SLC35F5: variants seen among roughly 807,000 people sequenced by gnomAD.
SLC35F5 encodes HCV NS5A-transactivated protein 3.
In SLC35F5, 54 loss-of-function variants were observed where a neutral mutation model predicts 68.6. The observed-to-expected ratio is 0.79, with a 90% CI of 0.63 to 0.99. The LOEUF (loss-of-function observed/expected upper bound fraction) is 0.99. SLC35F5 is among the 50% of genes least tolerant of loss of function. The probability of loss-of-function intolerance (pLI) is 0.00; values close to 1 mark genes in which losing one functional copy is unlikely to be tolerated. For missense variants in SLC35F5, 567 were observed against 626.9 expected, an observed-to-expected ratio of 0.90 and a Z score of 1.02; for synonymous variants, 211 against 205.2, an observed-to-expected ratio of 1.03 and a Z score of -0.24.
Position 113,756,461 on chromosome 2 carries a change from G to T in SLC35F5, c.-52C>A, listed in dbSNP as rs1311283386. The T allele has an allele frequency of 6.5e-7, 1 of 1,535,582 alleles. No homozygotes were observed. The highest frequency in any genetic ancestry group is 1.4e-5 in the African/African-American group (1 of 72,824). ...GCCCAGCGCCACGGCCGCGGCCTCG[G>T]ACTCACAGAGCTGTCACCGCGCCTG... On this transcript the variant is annotated 5_prime_UTR_variant, in exon 1 of 16. Coordinates refer to ENST00000245680, the MANE Select transcript of SLC35F5 (RefSeq NM_025181.5).
At chr2:113,703,492 A>C (rs932343863), downstream of SLC35F5, among the ~76,000 whole-genome samples, 53 of 152,148 alleles carry the variant, frequency 3.5e-4, 1 homozygote, top group Non-Finnish European at 1.5e-4. Context: ...TACAAACCTC[A>C]CAGCAAATAG....
chr2:113,755,909 A>G, intron 1 of SLC35F5: 1 of 1,550,610 alleles, frequency 6.4e-7, no homozygotes, highest in African/African-American at 1.4e-5. Flanking sequence ...CTGTTTCTAA[A>G]AGTGTCTTTT....
At chr2:113,702,841 G>A (rs1015459172), downstream of SLC35F5, among the ~76,000 whole-genome samples, 1 of 152,120 alleles carries the variant, frequency 6.6e-6, no homozygotes, top group Non-Finnish European at 1.5e-5. Context: ...AGGCACGGTG[G>A]CTCACATCTG....
intron 7 of SLC35F5, among the ~76,000 whole-genome samples, chr2:113,737,407 G>A (rs1688133387): frequency 6.6e-6 from 1 of 152,150 alleles, no homozygotes; most frequent in African/African-American, 2.4e-5. Context: ...TGCCTATCTA[G>A]ATAAAATGAG....
intron 3 of SLC35F5, among the ~76,000 whole-genome samples, chr2:113,753,612 C>T (rs915355557): frequency 3.3e-4 from 50 of 152,008 alleles, no homozygotes; most frequent in Non-Finnish European, 5.3e-4. Context: ...TGAGTTTTTT[C>T]CTCCAGTTTC....
At position 113,709,536 on chromosome 2, in the gene SLC35F5, G is replaced by A. The variant is rs1327747888; in HGVS notation, c.*5682C>T. Among the ~76,000 whole-genome samples, 1 of 152,156 alleles carries A rather than the reference G, an allele frequency of 6.6e-6. No homozygotes were observed. Among genetic ancestry groups the A allele is most frequent in the Non-Finnish European group, 1.5e-5 (1 of 68,030 alleles). On this transcript the variant is annotated 3_prime_UTR_variant, in exon 16 of 16. Coordinates refer to ENST00000245680, the MANE Select transcript of SLC35F5 (RefSeq NM_025181.5). ...AGAGTTTCTCATTCTCACAGTCTCA[G>A]GCAGGTTGCATTAACCTCCACTTCA...
downstream of SLC35F5, chr2:113,703,623 T>C (rs1182515818): frequency 6.6e-6 from 1 of 152,198 alleles, no homozygotes; most frequent in East Asian, 1.9e-4. Context: ...GGTTTGGGAA[T>C]CTAATTTAAT....
intron 13 of SLC35F5, 133 bp downstream of exon 13, chr2:113,722,971 A>G (rs17683255): frequency 0.063 from 32,255 of 512,134 alleles, 1,166 homozygotes; most frequent in South Asian, 0.13. Flanking sequence ...CTATGTAGTA[A>G]AGCACCTTGG....
At chr2:113,755,996 C>T in intron 1 of SLC35F5, 3 of 1,535,338 alleles carry the variant, frequency 2.0e-6, no homozygotes, top group Middle Eastern at 1.7e-4. Context: ...GGCACCTTTC[C>T]AATCTCTTCA....
intron 13 of SLC35F5, among the ~76,000 whole-genome samples, chr2:113,721,824 ATAAT>A (rs10615889): frequency 0.47 from 71,564 of 151,588 alleles, 17,600 homozygotes; most frequent in Middle Eastern, 0.66. Context: ...GTTATGTAAG[ATAAT>A]TAATTCTCAA....
rs187615263 is a variant in SLC35F5 at position 113,718,546 on chromosome 2, A to T, written c.1496+608T>A. Reference sequence around the variant, plus strand: ...ATTACCTGTGAATCATATTTTTTTTAAAAAAATGTAGTTACTAGGCAGGCA... The same window carrying T: ...ATTACCTGTGAATCATATTTTTTTTTAAAAAATGTAGTTACTAGGCAGGCA... On this transcript the variant is annotated intron_variant, in intron 14 of 15. Coordinates refer to ENST00000245680, the MANE Select transcript of SLC35F5 (RefSeq NM_025181.5). Among the ~76,000 whole-genome samples, 94 of 152,104 alleles carry T rather than the reference A, an allele frequency of 6.2e-4. No individual in the cohort carries two copies. The Middle Eastern group carries it at 0.014, about 22-fold the overall frequency.
intron 11 of SLC35F5, among the ~76,000 whole-genome samples, chr2:113,726,185 T>C (rs937242871): frequency 1.3e-5 from 2 of 152,182 alleles, no homozygotes; most frequent in African/African-American, 4.8e-5. Flanking sequence ...GTGCAAGCCT[T>C]ATACCTCTTT....
intron 5 of SLC35F5, chr2:113,744,046 A>C: frequency 3.3e-6 from 1 of 307,132 alleles, no homozygotes; most frequent in Non-Finnish European, 5.9e-6. Flanking sequence ...TCTAATATTT[A>C]AATGTCATAA....
intron 12 of SLC35F5, 51 bp downstream of exon 12, chr2:113,725,327 A>T (rs1242466684): frequency 6.5e-7 from 1 of 1,547,070 alleles, no homozygotes; most frequent in South Asian, 1.2e-5. Flanking sequence ...AATGCTTAAA[A>T]TATCCAAAAA....
At chr2:113,738,400 G>C (rs1165333390) in intron 7 of SLC35F5, among the ~76,000 whole-genome samples, 1 of 152,012 alleles carries the variant, frequency 6.6e-6, no homozygotes, top group African/African-American at 2.4e-5. Flanking sequence ...TTTCAGGTTT[G>C]TCCATGTTGT....
At position 113,731,486 on chromosome 2, in the gene SLC35F5, C is replaced by T. The variant is rs1687884320; in HGVS notation, c.985+98G>A. 3.8e-6 allele frequency: 3 copies of T among 796,112 alleles called. No homozygotes were observed. In the South Asian group the frequency reaches 6.2e-5, roughly 17 times the overall value. The allele number at this position is 796,112 out of a possible 1,614,324, so 49.3% of individuals were successfully genotyped here. On this transcript the variant is annotated intron_variant, in intron 10 of 15. Transcript: ENST00000245680. ...AAAAGTTCAAAAAAAACCCACCCTG[C>T]TAGTGCCTACCCTTTGTGCGTTCAT...
intron 14 of SLC35F5, 32 bp from the exon 15 acceptor site, chr2:113,717,882 A>G: frequency 6.7e-7 from 1 of 1,501,486 alleles, no homozygotes; most frequent in South Asian, 1.2e-5. Context: ...AATTAAGGAA[A>G]GCTTTAGAGC....
At chr2:113,729,605 A>C in intron 10 of SLC35F5, 100 bp from the exon 11 acceptor site, 1 of 673,922 alleles carries the variant, frequency 1.5e-6, no homozygotes, top group Non-Finnish European at 2.6e-6. Flanking sequence ...GAATATACAA[A>C]AGTGAAAAGA....
rs571188180 is a variant in SLC35F5 at position 113,709,347 on chromosome 2, AC to A, written c.*5870del. ...GGTGTTTGGCATTGTCTCTGGAACT[AC>A]AAAATTAAACTTTTAGAATCACAGC... On this transcript the variant is annotated 3_prime_UTR_variant, in exon 16 of 16. Coordinates refer to ENST00000245680, the MANE Select transcript of SLC35F5 (RefSeq NM_025181.5). Among the ~76,000 whole-genome samples the A allele has an allele frequency of 1.1e-3, 174 of 152,380 alleles. No homozygotes were observed. The highest frequency in any genetic ancestry group is 3.9e-3 in the African/African-American group (163 of 41,592).
Sources: gnomAD v4.1 joint callset for allele counts (sites outside exome capture counted in the v4.1 genomes callset) on GRCh38, gnomAD v4.1.1 for gene constraint, MANE v1.5 for transcripts, NCBI Gene and HGNC (gene_info 2026-07-23, HGNC 2026-07-21) for gene names.